Variants in FAM117A observed in about 807,000 individuals in gnomAD.
The protein encoded by FAM117A is protein FAM117A.
A neutral mutation model predicts 44.1 loss-of-function variants in FAM117A; 21 were observed. The observed-to-expected ratio is 0.48, with a 90% CI of 0.34 to 0.69. The LOEUF (loss-of-function observed/expected upper bound fraction) is 0.69. Ranked by LOEUF, FAM117A falls within the 30% of genes least tolerant of loss-of-function variation. The pLI is 0.01. For synonymous variants in FAM117A, 220 were observed against 238.3 expected (o/e 0.92, Z 0.71); for missense variants, 498 against 589.9 (o/e 0.84, Z 1.61).
rs369672934 is a variant in FAM117A at position 49,711,402 on chromosome 17, C to T, written c.1215G>A (p.Pro405=). The T allele has an allele frequency of 3.5e-5, 57 of 1,612,690 alleles. No homozygotes were observed. Among genetic ancestry groups the T allele is most frequent in the Admixed American group, 8.3e-5 (5 of 59,906 alleles). The part of the protein sequence containing the change: ...GFIFRNCPSN[P]GSPLPPASPR... ...GGCTGGCCGGGGGAAGGGGAGATCCCGGGTTTGAGGGGCAGTTACGGAAGA... is the reference window on the plus strand; with the variant it reads ...GGCTGGCCGGGGGAAGGGGAGATCCTGGGTTTGAGGGGCAGTTACGGAAGA... Residue 405 remains proline, a synonymous_variant, in exon 8 of 8, where the codon CCG becomes CCA. Coordinates refer to ENST00000240364, the MANE Select transcript of FAM117A (RefSeq NM_030802.4).
intron 1 of FAM117A, among the ~76,000 whole-genome samples, chr17:49,788,144 T>C (rs576601282): frequency 7.0e-4 from 106 of 152,336 alleles, no homozygotes; most frequent in African/African-American, 2.5e-3. Context: ...CAATGTCTCC[T>C]CTACCAGACA....
intron 7 of FAM117A, among the ~76,000 whole-genome samples, chr17:49,715,539 G>C (rs1743571590): frequency 6.6e-6 from 1 of 152,186 alleles, no homozygotes; most frequent in South Asian, 2.1e-4. Flanking sequence ...TTCGGCTAAT[G>C]GGAGGAAAGT....
intron 7 of FAM117A, 91 bp from the exon 8 acceptor site, chr17:49,711,646 A>G (rs1567824325): frequency 3.2e-6 from 4 of 1,243,024 alleles, no homozygotes; most frequent in Middle Eastern, 1.9e-4. Flanking sequence ...GCATCAAGGC[A>G]GCAGGAGAGC....
chr17:49,784,463 TTCC>T (rs1598040713), intron 1 of FAM117A, among the ~76,000 whole-genome samples: 1 of 152,166 alleles, frequency 6.6e-6, no homozygotes, highest in East Asian at 1.9e-4. Context: ...TGCCTACCAC[TTCC>T]AGTTCAGTCT....
chr17:49,746,964 C>A (rs2073656700), intron 1 of FAM117A, among the ~76,000 whole-genome samples: 1 of 152,098 alleles, frequency 6.6e-6, no homozygotes, highest in South Asian at 2.1e-4. Flanking sequence ...CATTACACGT[C>A]CCCAGCTGTC....
upstream of FAM117A, among the ~76,000 whole-genome samples, chr17:49,766,020 A>G (rs1327711626): frequency 6.6e-6 from 1 of 152,232 alleles, no homozygotes. Flanking sequence ...AAAATCAGTA[A>G]TGGTAGCAAC....
At position 49,710,511 on chromosome 17, in the gene FAM117A, G is replaced by A. The variant is rs935364613; in HGVS notation, c.*744C>T. On this transcript the variant is annotated 3_prime_UTR_variant, in exon 8 of 8. Transcript: ENST00000240364. ...AAAATAGTGTCTTTGGGAGAAAATA[G>A]AGTCTCTACATCGATACAAGAAAAA... 1.3e-5 allele frequency: 2 copies of A among 152,586 alleles called. No individual in the cohort carries two copies. Among genetic ancestry groups the A allele is most frequent in the Non-Finnish European group, 2.9e-5 (2 of 68,044 alleles). 9.5% of individuals were successfully genotyped at this position (152,586 alleles called of 1,614,324 possible).
chr17:49,731,237 C>A (rs1007710126), intron 2 of FAM117A, among the ~76,000 whole-genome samples: 1 of 152,252 alleles, frequency 6.6e-6, no homozygotes, highest in East Asian at 1.9e-4. Context: ...AAAGGAAGAG[C>A]TGACTTGCCC....
intron 1 of FAM117A, among the ~76,000 whole-genome samples, chr17:49,786,323 G>C (rs1184956608): frequency 1.3e-5 from 2 of 152,226 alleles, no homozygotes; most frequent in Non-Finnish European, 2.9e-5. Context: ...TGTGACGGAT[G>C]CAAGTCAGGA....
chr17:49,743,505 G>A (rs1192006722), intron 1 of FAM117A, among the ~76,000 whole-genome samples: 7 of 152,088 alleles, frequency 4.6e-5, no homozygotes, highest in Non-Finnish European at 8.8e-5. Context: ...TGAGGCGGGC[G>A]GATCACGAGG....
intron 2 of FAM117A, among the ~76,000 whole-genome samples, chr17:49,731,748 G>A (rs73335261): frequency 0.025 from 3,805 of 152,076 alleles, 157 homozygotes; most frequent in African/African-American, 0.086. Flanking sequence ...ATAGAATGTT[G>A]GCCTTGGTTT....
At chr17:49,723,910 G>A (rs185408895) in intron 2 of FAM117A, among the ~76,000 whole-genome samples, 5 of 152,250 alleles carry the variant, frequency 3.3e-5, no homozygotes, top group African/African-American at 7.2e-5. Flanking sequence ...TGAGCATCAC[G>A]AGTAAGTAGG....
intron 1 of FAM117A, among the ~76,000 whole-genome samples, chr17:49,733,375 G>A (rs754311889): frequency 6.6e-6 from 1 of 152,124 alleles, no homozygotes; most frequent in Non-Finnish European, 1.5e-5. Context: ...CAAAAATAAA[G>A]CAATTATAAA....
chr17:49,770,269 C>CAAAAAA (rs57966452), intron 1 of FAM117A, among the ~76,000 whole-genome samples: 1 of 69,788 alleles, frequency 1.4e-5, no homozygotes, highest in African/African-American at 5.1e-5. Flanking sequence ...GACTCTGTAT[C>CAAAAAA]AAAAAAAAAA....
At chr17:49,780,663 G>A (rs1022861357) in intron 1 of FAM117A, among the ~76,000 whole-genome samples, 3 of 152,066 alleles carry the variant, frequency 2.0e-5, no homozygotes, top group Non-Finnish European at 4.4e-5. Flanking sequence ...GAGCTACCGC[G>A]CCCAGCCTCT....
rs1459363131 is a variant in FAM117A, at chr17:49,716,234, T to A, written c.992A>T (p.Asn331Ile). 1 of 1,613,298 alleles carries A rather than the reference T, an allele frequency of 6.2e-7. No homozygotes were observed. Among genetic ancestry groups the A allele is most frequent in the South Asian group, 1.1e-5 (1 of 91,034 alleles). The change falls in exon 7 of 8, where the codon AAT (asparagine) becomes ATT (isoleucine). Residue 331 changes from asparagine to isoleucine, a missense_variant. Physicochemically the swap from Asn to Ile is moderately radical, Grantham distance 149. Coordinates refer to ENST00000240364, the MANE Select transcript of FAM117A (RefSeq NM_030802.4). Reference sequence around the variant, plus strand: ...CTCCCGTTTGAAGATGTAGCTATGATTAGGTCGAGGGGAGGCAGCAAAGGC... The same window carrying A: ...CTCCCGTTTGAAGATGTAGCTATGAATAGGTCGAGGGGAGGCAGCAAAGGC... The part of the protein sequence containing the change: ...VLAFAASPRP[N>I]HSYIFKREPP...
chr17:49,764,189 C>T, upstream of FAM117A: 1 of 559,528 alleles, frequency 1.8e-6, no homozygotes, highest in Non-Finnish European at 2.8e-6. Flanking sequence ...GACCGGCCCC[C>T]TCATCCTAGA....
In FAM117A at chr17:49,754,293, A is replaced by AG. The variant is rs1427140104; in HGVS notation, c.196+9598dup. Among the ~76,000 whole-genome samples, 13 of 150,822 alleles carry AG rather than the reference A, an allele frequency of 8.6e-5. No individual in the cohort carries two copies. In the East Asian group the frequency reaches 2.5e-3, roughly 29 times the overall value. On this transcript the variant is annotated intron_variant, in intron 1 of 7. Transcript: ENST00000240364. Reference sequence around the variant, plus strand: ...GCCACGTGGGCGACCAGACATGCACAGAGCACAGCAAACTCTTTTTTTTTT... The same window carrying AG: ...GCCACGTGGGCGACCAGACATGCACAGGAGCACAGCAAACTCTTTTTTTTTT...
At chr17:49,720,489 A>G (rs1041586926) in intron 3 of FAM117A, 53 bp from the exon 4 acceptor site, 4 of 1,410,638 alleles carry the variant, frequency 2.8e-6, no homozygotes, top group Admixed American at 3.4e-5. Flanking sequence ...GCCAAAGTGC[A>G]CTGGGTCCCT....
Sources: gnomAD v4.1 joint callset for allele counts (sites outside exome capture counted in the v4.1 genomes callset) on GRCh38, gnomAD v4.1.1 for gene constraint, MANE v1.5 for transcripts, NCBI Gene and HGNC (gene_info 2026-07-23, HGNC 2026-07-21) for gene names.